Variants in NLGN1 observed in about 807,000 individuals in gnomAD.
NLGN1 encodes the protein neuroligin 1.
Under a neutral mutation model 65.5 loss-of-function variants are expected in NLGN1, and 12 were observed. The ratio of observed to expected loss-of-function variants is 0.18; its 90% CI spans 0.12 to 0.30. The LOEUF (loss-of-function observed/expected upper bound fraction) is 0.30, where lower values mean the gene tolerates loss of function less well. Among genes scored for constraint, NLGN1 ranks in the 10% least tolerant of loss-of-function variants. The pLI, the probability that NLGN1 is intolerant of heterozygous loss-of-function variation, is 1.00. For synonymous variants in NLGN1, 350 were observed against 359.5 expected (o/e 0.97, Z 0.30); for missense variants, 750 against 1,007.1 (o/e 0.74, Z 3.46).
chr3:173,612,490 C>T (rs1474615793), intron 3 of NLGN1, among the ~76,000 whole-genome samples: 1 of 151,966 alleles, frequency 6.6e-6, no homozygotes, highest in Admixed American at 6.6e-5. Context: ...CCAGAGGTTA[C>T]TAATAGTCCT....
upstream of NLGN1, among the ~76,000 whole-genome samples, chr3:173,396,079 G>A (rs1271429779): frequency 6.6e-6 from 1 of 152,004 alleles, no homozygotes; most frequent in Non-Finnish European, 1.5e-5. Flanking sequence ...CGGCGGCGGC[G>A]GCGGGGACCG....
intron 3 of NLGN1, among the ~76,000 whole-genome samples, chr3:173,638,388 G>GA (rs34003190): frequency 0.036 from 5,312 of 145,838 alleles, 277 homozygotes; most frequent in African/African-American, 0.12. Flanking sequence ...ATTATAAAAT[G>GA]AAAAAAAAAA....
At chr3:174,124,280 A>G (rs75647795) in intron 4 of NLGN1, among the ~76,000 whole-genome samples, 3,965 of 152,168 alleles carry the variant, frequency 0.026, 74 homozygotes, top group African/African-American at 0.033. Context: ...CACTGGTATC[A>G]TTGTTACTGC....
intron 3 of NLGN1, among the ~76,000 whole-genome samples, chr3:173,702,256 GAA>G (rs1767331402): frequency 7.2e-6 from 1 of 138,610 alleles, no homozygotes; most frequent in African/African-American, 2.9e-5. Flanking sequence ...AAAAAAAAAA[GAA>G]GAGTTTTCAA....
intron 4 of NLGN1, among the ~76,000 whole-genome samples, chr3:174,160,373 G>A (rs573118660): frequency 7.3e-5 from 11 of 151,382 alleles, no homozygotes; most frequent in African/African-American, 2.7e-4. Context: ...CCCAAAATAG[G>A]AAATCCTTTT....
At chr3:173,539,679 C>CATATATGTATATATGTACATATATAAA (rs1446580324) in intron 2 of NLGN1, among the ~76,000 whole-genome samples, 9 of 80,002 alleles carry the variant, frequency 1.1e-4, no homozygotes, top group Non-Finnish European at 1.8e-4. Flanking sequence ...ACATATATAA[C>CATATATGTATATATGTACATATATAAA]ATACATATAT....
intron 2 of NLGN1, among the ~76,000 whole-genome samples, chr3:173,508,320 T>C (rs1732371291): frequency 6.6e-6 from 1 of 152,206 alleles, no homozygotes; most frequent in South Asian, 2.1e-4. Flanking sequence ...AATTAGGTTA[T>C]GATGCATGTA....
In NLGN1 at chr3:174,194,785, C is replaced by G. The variant is rs1246292562; in HGVS notation, c.647-80530C>G. Among the ~76,000 whole-genome samples, 3 of 118,212 alleles carry G rather than the reference C, an allele frequency of 2.5e-5. No individual in the cohort carries two copies. In the South Asian group the frequency reaches 8.1e-4, roughly 32 times the overall value. 77.6% of individuals were successfully genotyped at this position (118,212 alleles called of 152,430 possible). A position where few individuals can be genotyped will look rare whatever the true frequency, so the allele number is the denominator to read the frequency against. ...GGATAAAGAAAATATAACCTATTCA[C>G]TAAAAAAAAAAAAAAAAGGAAATGA... On this transcript the variant is annotated intron_variant, in intron 4 of 6. Coordinates refer to ENST00000457714, the Ensembl canonical transcript of NLGN1.
intron 4 of NLGN1, among the ~76,000 whole-genome samples, chr3:174,026,152 A>G (rs1404458433): frequency 6.6e-6 from 1 of 152,110 alleles, no homozygotes; most frequent in Non-Finnish European, 1.5e-5. Flanking sequence ...TTTTTGAGAC[A>G]AGGTCTCTCT....
At chr3:173,609,272 T>G (rs1186939111) in intron 3 of NLGN1, among the ~76,000 whole-genome samples, 1 of 152,010 alleles carries the variant, frequency 6.6e-6, no homozygotes, top group East Asian at 1.9e-4. Flanking sequence ...CCTGCACTTG[T>G]GAGACATTAA....
chr3:174,023,714 G>A (rs920680768), intron 4 of NLGN1, among the ~76,000 whole-genome samples: 1 of 152,100 alleles, frequency 6.6e-6, no homozygotes, highest in Non-Finnish European at 1.5e-5. Flanking sequence ...CTGGGAAATC[G>A]CAGTAGCAGC....
intron 4 of NLGN1, among the ~76,000 whole-genome samples, chr3:173,834,317 CTT>C (rs1407268360): frequency 6.6e-6 from 1 of 152,002 alleles, no homozygotes; most frequent in Non-Finnish European, 1.5e-5. Flanking sequence ...CTTTATTACT[CTT>C]TATTTTTTGG....
Position 174,280,037 on chromosome 3 carries a change from C to A in NLGN1, c.1649+387C>A, listed in dbSNP as rs1751281235. Among the ~76,000 whole-genome samples the A allele has an allele frequency of 6.6e-6, 1 of 151,974 alleles. No homozygotes were observed. The highest frequency in any genetic ancestry group is 1.5e-5 in the Non-Finnish European group (1 of 67,946). ...ATCAGGTACTATTAATCCCACTTTA[C>A]AAGAAGGAGACCTGAGGCTCTGTGA... On this transcript the variant is annotated intron_variant, in intron 6 of 6. Coordinates refer to ENST00000457714, the Ensembl canonical transcript of NLGN1. The surrounding 1 kb of genome is among the most constrained non-coding windows in gnomAD (Gnocchi z 4.9).
At position 173,537,530 on chromosome 3, in the gene NLGN1, A is replaced by T. The variant is rs577829536; in HGVS notation, c.-320-66749A>T. Among the ~76,000 whole-genome samples, 7 of 152,028 alleles carry T rather than the reference A, an allele frequency of 4.6e-5. No individual in the cohort carries two copies. In the East Asian group the frequency reaches 9.7e-4, roughly 21 times the overall value. Reference sequence around the variant, plus strand: ...TGTTTGTGTGTGTGTAAATATATTTATAATAAAATAAAGAAGAACTACTCA... The same window carrying T: ...TGTTTGTGTGTGTGTAAATATATTTTTAATAAAATAAAGAAGAACTACTCA... On this transcript the variant is annotated intron_variant, in intron 2 of 6. Transcript: ENST00000457714.
chr3:173,565,510 T>A (rs143919234), intron 2 of NLGN1, among the ~76,000 whole-genome samples: 1 of 152,322 alleles, frequency 6.6e-6, no homozygotes. Context: ...GAAAGCTATA[T>A]ATCTACTTCT....
At chr3:174,240,545 C>T (rs946621801) in intron 4 of NLGN1, among the ~76,000 whole-genome samples, 3 of 151,848 alleles carry the variant, frequency 2.0e-5, no homozygotes, top group Non-Finnish European at 2.9e-5. Flanking sequence ...GAAAAAAGTC[C>T]GTAAGAAAAA....
intron 4 of NLGN1, among the ~76,000 whole-genome samples, chr3:174,198,903 C>T (rs2152771665): frequency 7.8e-6 from 1 of 128,696 alleles, no homozygotes. Context: ...GGCTGGAGTG[C>T]AATGCACTGT....
At chr3:174,012,074 G>T (rs919633795) in intron 4 of NLGN1, among the ~76,000 whole-genome samples, 1 of 152,160 alleles carries the variant, frequency 6.6e-6, no homozygotes, top group African/African-American at 2.4e-5. Flanking sequence ...TAAGCTCAGA[G>T]AAATGGCTCA....
chr3:174,267,208 G>A (rs1010892496), intron 4 of NLGN1, among the ~76,000 whole-genome samples: 1 of 152,148 alleles, frequency 6.6e-6, no homozygotes, highest in South Asian at 2.1e-4. Flanking sequence ...TTTGGCTCAT[G>A]GTTCTGCAGT....
Sources: gnomAD v4.1 joint callset for allele counts (sites outside exome capture counted in the v4.1 genomes callset) on GRCh38, gnomAD v4.1.1 for gene constraint, Gnocchi (gnomAD v3.1) non-coding constraint, MANE v1.5 for transcripts, NCBI Gene and HGNC (gene_info 2026-07-23, HGNC 2026-07-21) for gene names.